The following WASF1 variants were observed in gnomAD, a reference collection of about 807,000 sequenced individuals.
WASF1 encodes WASP family member 1.
A neutral mutation model predicts 50.5 loss-of-function variants in WASF1; 7 were observed. The ratio of observed to expected loss-of-function variants is 0.14; its 90% CI spans 0.08 to 0.26. The LOEUF (loss-of-function observed/expected upper bound fraction) is 0.26. WASF1 is among the 10% of genes least tolerant of loss of function. The pLI is 1.00. For missense variants in WASF1, 470 were observed against 694.7 expected, an observed-to-expected ratio of 0.68 and a Z score of 3.64; for synonymous variants, 205 against 244.0, an observed-to-expected ratio of 0.84 and a Z score of 1.49.
At chr6:110,173,999 C>G (rs1437967543) in intron 2 of WASF1, among the ~76,000 whole-genome samples, 1 of 152,132 alleles carries the variant, frequency 6.6e-6, no homozygotes, top group Non-Finnish European at 1.5e-5. Flanking sequence ...CAGTAATTAA[C>G]CCGATTAAAA....
intron 10 of WASF1, among the ~76,000 whole-genome samples, chr6:110,101,232 C>A (rs993518074): frequency 1.3e-5 from 2 of 152,050 alleles, no homozygotes; most frequent in African/African-American, 2.4e-5. Context: ...AATGAACAGC[C>A]TTAACATTGA....
chr6:110,137,410 T>C (rs545882969), intron 3 of WASF1, among the ~76,000 whole-genome samples: 153 of 152,334 alleles, frequency 1.0e-3, no homozygotes, highest in African/African-American at 3.5e-3. Flanking sequence ...ATTCAAACCA[T>C]AGTCCTCTCT....
chr6:110,123,131 A>T (rs925205224), intron 4 of WASF1, among the ~76,000 whole-genome samples: 23 of 152,184 alleles, frequency 1.5e-4, no homozygotes, highest in African/African-American at 5.5e-4. Flanking sequence ...TGTCAATCTG[A>T]AAGCATTTAT....
chr6:110,115,453 T>C (rs1255263904), intron 4 of WASF1, among the ~76,000 whole-genome samples: 1 of 152,150 alleles, frequency 6.6e-6, no homozygotes, highest in Non-Finnish European at 1.5e-5. Flanking sequence ...TTGGTCCCAT[T>C]GACGCTTTGT....
intron 2 of WASF1, among the ~76,000 whole-genome samples, chr6:110,170,101 G>T (rs1776641670): frequency 6.6e-6 from 1 of 151,986 alleles, no homozygotes; most frequent in Non-Finnish European, 1.5e-5. Flanking sequence ...AGGCAAACTA[G>T]GACAACCACT....
intron 3 of WASF1, among the ~76,000 whole-genome samples, chr6:110,145,271 G>A (rs1399189893): frequency 6.6e-6 from 1 of 152,074 alleles, no homozygotes; most frequent in Non-Finnish European, 1.5e-5. Context: ...GTCTGTTATT[G>A]GTGTATAAGA....
At chr6:110,167,681 A>G (rs566833668) in intron 2 of WASF1, among the ~76,000 whole-genome samples, 2 of 152,124 alleles carry the variant, frequency 1.3e-5, no homozygotes, top group East Asian at 3.9e-4. Context: ...TTTCACTATA[A>G]CCCTCAAATA....
At chr6:110,145,521 C>T (rs1775514644) in intron 3 of WASF1, among the ~76,000 whole-genome samples, 1 of 152,162 alleles carries the variant, frequency 6.6e-6, no homozygotes, top group African/African-American at 2.4e-5. Flanking sequence ...TGAGAGAGGG[C>T]ATCCCTGTCT....
At chr6:110,160,486 T>A (rs1421826339) in intron 3 of WASF1, 149 bp downstream of exon 3, 1 of 151,792 alleles carries the variant, frequency 6.6e-6, no homozygotes, top group East Asian at 1.9e-4. Flanking sequence ...ATCCTGTCCC[T>A]ACACACTTAA....
chr6:110,108,831 T>A (rs1279514516), intron 5 of WASF1, 150 bp from the exon 6 acceptor site: 7 of 675,854 alleles, frequency 1.0e-5, no homozygotes, highest in Non-Finnish European at 1.4e-5. Context: ...ATATTTTAAA[T>A]GTTCTATCAT....
chr6:110,147,423 A>T (rs1775623627), intron 3 of WASF1, among the ~76,000 whole-genome samples: 1 of 152,182 alleles, frequency 6.6e-6, no homozygotes, highest in East Asian at 1.9e-4. Flanking sequence ...CTAAAGTCGA[A>T]AATAACACAT....
At chr6:110,124,213 CTCT>C (rs1774271422) in intron 4 of WASF1, among the ~76,000 whole-genome samples, 1 of 75,430 alleles carries the variant, frequency 1.3e-5, no homozygotes, top group African/African-American at 8.0e-5. Context: ...CTCTCTCTCT[CTCT>C]CCTCTCTCTC....
chr6:110,164,081 T>C (rs923348825), intron 2 of WASF1, among the ~76,000 whole-genome samples: 2 of 151,490 alleles, frequency 1.3e-5, no homozygotes, highest in African/African-American at 4.8e-5. Flanking sequence ...AATCTAAACA[T>C]AAAATCCAAA....
At chr6:110,141,772 CTT>C (rs201112030) in intron 3 of WASF1, among the ~76,000 whole-genome samples, 1 of 145,862 alleles carries the variant, frequency 6.9e-6, no homozygotes. Flanking sequence ...ATACACTTAT[CTT>C]TTTTTTTTTT....
chr6:110,179,073 C>T (rs1002791242), intron 1 of WASF1, among the ~76,000 whole-genome samples: 1 of 152,248 alleles, frequency 6.6e-6, no homozygotes, highest in African/African-American at 2.4e-5. Context: ...CCGGGGCTAC[C>T]GCCTCCCCCG....
chr6:110,136,175 C>A (rs1013511296), intron 3 of WASF1, among the ~76,000 whole-genome samples: 1 of 152,048 alleles, frequency 6.6e-6, no homozygotes, highest in Non-Finnish European at 1.5e-5. Flanking sequence ...TGAGCCACTG[C>A]GCCCAGCCAA....
intron 4 of WASF1, 62 bp from the exon 5 acceptor site, chr6:110,113,522 T>C (rs1773661994): frequency 7.0e-7 from 1 of 1,427,192 alleles, no homozygotes; most frequent in African/African-American, 1.4e-5. Context: ...TTTTTATCTT[T>C]GCAAGCAGTA....
At chr6:110,147,130 G>A (rs1026808485) in intron 3 of WASF1, among the ~76,000 whole-genome samples, 4 of 151,928 alleles carry the variant, frequency 2.6e-5, no homozygotes, top group Non-Finnish European at 4.4e-5. Context: ...GGTGGATCAC[G>A]AGGTCAGGAG....
intron 4 of WASF1, among the ~76,000 whole-genome samples, chr6:110,125,322 T>C (rs1406111302): frequency 6.6e-6 from 1 of 152,200 alleles, no homozygotes; most frequent in Non-Finnish European, 1.5e-5. Context: ...ATTAAATGGC[T>C]TCTTTCCAGT....
Sources: gnomAD v4.1 joint callset for allele counts (sites outside exome capture counted in the v4.1 genomes callset) on GRCh38, gnomAD v4.1.1 for gene constraint, MANE v1.5 for transcripts, NCBI Gene and HGNC (gene_info 2026-07-23, HGNC 2026-07-21) for gene names.